Variants in GABBR2 observed in about 807,000 individuals in gnomAD.
GABBR2 encodes G-protein coupled receptor 51.
Under a neutral mutation model 105.6 loss-of-function variants are expected in GABBR2, and 23 were observed. That is an observed-to-expected ratio of 0.22 (90% CI 0.16 to 0.31). The LOEUF (loss-of-function observed/expected upper bound fraction) is 0.31, where lower values mean the gene tolerates loss of function less well. Among genes scored for constraint, GABBR2 ranks in the 10% least tolerant of loss-of-function variants. The pLI, the probability that GABBR2 is intolerant of heterozygous loss-of-function variation, is 1.00. For synonymous variants in GABBR2, 478 were observed against 499.7 expected (o/e 0.96, Z 0.58); for missense variants, 734 against 1,245.5 (o/e 0.59, Z 6.18).
chr9:98,352,622 C>T (rs1831418851), intron 13 of GABBR2, among the ~76,000 whole-genome samples: 1 of 152,086 alleles, frequency 6.6e-6, no homozygotes, highest in Non-Finnish European at 1.5e-5. Context: ...CAGACTGGTC[C>T]TCAAGATCCC....
At chr9:98,307,438 C>T (rs1588091872) in intron 14 of GABBR2, among the ~76,000 whole-genome samples, 1 of 151,964 alleles carries the variant, frequency 6.6e-6, no homozygotes, top group South Asian at 2.1e-4. Flanking sequence ...TAGTGCAGCC[C>T]CTCCAAGAGG....
chr9:98,293,968 AC>A, intron 17 of GABBR2, 66 bp from the exon 18 acceptor site: 1 of 956,078 alleles, frequency 1.0e-6, no homozygotes, highest in Non-Finnish European at 1.7e-6. Flanking sequence ...CAACAATGCA[AC>A]TTTTTGTAGG....
At position 98,471,722 on chromosome 9, in the gene GABBR2, AT is replaced by A. The variant is rs527402121; in HGVS notation, c.999+1423del. ...TACTGTACCATCTGCTTTCATGGAT[AT>A]TTTTTTCCCTTAGGTTTTGTGTTTT... On this transcript the variant is annotated intron_variant, in intron 6 of 18. Coordinates refer to ENST00000259455, the MANE Select transcript of GABBR2 (RefSeq NM_005458.8). Among the ~76,000 whole-genome samples the A allele has an allele frequency of 5.9e-5, 9 of 152,150 alleles. No individual in the cohort carries two copies. The South Asian group carries it at 1.9e-3, about 32-fold the overall frequency.
At chr9:98,687,557 C>G (rs1345744274) in intron 1 of GABBR2, among the ~76,000 whole-genome samples, 1 of 152,120 alleles carries the variant, frequency 6.6e-6, no homozygotes, top group Non-Finnish European at 1.5e-5. Context: ...CAAGGAGAGA[C>G]TCTGTTGAGG....
intron 7 of GABBR2, among the ~76,000 whole-genome samples, chr9:98,426,666 A>C (rs892610450): frequency 1.8e-4 from 27 of 152,216 alleles, no homozygotes; most frequent in African/African-American, 6.5e-4. Flanking sequence ...ACTAAGCCTA[A>C]AAATCTTCCA....
chr9:98,498,054 A>T (rs1380113675), intron 3 of GABBR2, among the ~76,000 whole-genome samples: 1 of 152,254 alleles, frequency 6.6e-6, no homozygotes, highest in Non-Finnish European at 1.5e-5. Flanking sequence ...CAGCCTTCAA[A>T]AGGAATAAAA....
intron 1 of GABBR2, among the ~76,000 whole-genome samples, chr9:98,613,184 AT>A (rs879910586): frequency 1.3e-5 from 2 of 152,196 alleles, no homozygotes; most frequent in African/African-American, 2.4e-5. Flanking sequence ...GATGCCTATA[AT>A]TCCAACACCT....
chr9:98,397,828 T>C (rs1449037774), intron 8 of GABBR2, among the ~76,000 whole-genome samples: 1 of 152,168 alleles, frequency 6.6e-6, no homozygotes, highest in Admixed American at 6.5e-5. Flanking sequence ...ATGTCCTGTG[T>C]GTGTCCAGGG....
chr9:98,561,582 A>G (rs940116669), intron 2 of GABBR2, among the ~76,000 whole-genome samples: 2 of 152,172 alleles, frequency 1.3e-5, no homozygotes, highest in Admixed American at 1.3e-4. Flanking sequence ...ATGTAGAAGG[A>G]ATATAATTAG....
chr9:98,619,876 T>C (rs1191140471), intron 1 of GABBR2, among the ~76,000 whole-genome samples: 1 of 152,324 alleles, frequency 6.6e-6, no homozygotes, highest in East Asian at 1.9e-4. Flanking sequence ...AGGGTTCATC[T>C]GTGGTCTAGC....
chr9:98,701,324 G>C (rs1830827974), intron 1 of GABBR2, among the ~76,000 whole-genome samples: 1 of 152,224 alleles, frequency 6.6e-6, no homozygotes, highest in East Asian at 1.9e-4. Context: ...GGACAGAGAA[G>C]TTATGTCCGT....
intron 6 of GABBR2, among the ~76,000 whole-genome samples, chr9:98,464,012 G>A (rs1050082434): frequency 2.0e-5 from 3 of 152,170 alleles, no homozygotes; most frequent in Non-Finnish European, 4.4e-5. Flanking sequence ...CACCTGCCTT[G>A]GCCTCCCAAA....
intron 3 of GABBR2, among the ~76,000 whole-genome samples, chr9:98,506,358 T>C (rs1258626610): frequency 6.6e-6 from 1 of 152,202 alleles, no homozygotes; most frequent in African/African-American, 2.4e-5. Flanking sequence ...GCCTGGCATA[T>C]AGTAGGTGCT....
intron 3 of GABBR2, among the ~76,000 whole-genome samples, chr9:98,517,165 G>A (rs544111939): frequency 6.6e-6 from 1 of 152,182 alleles, no homozygotes; most frequent in Non-Finnish European, 1.5e-5. Flanking sequence ...AGGACCGCCT[G>A]CACCCAGTGA....
intron 1 of GABBR2, among the ~76,000 whole-genome samples, chr9:98,626,524 G>A (rs568194886): frequency 6.6e-6 from 1 of 152,132 alleles, no homozygotes; most frequent in Non-Finnish European, 1.5e-5. Context: ...GTCAAATCCT[G>A]ATCTACTGCT....
chr9:98,593,316 G>T (rs751234985), intron 1 of GABBR2, among the ~76,000 whole-genome samples: 2 of 152,166 alleles, frequency 1.3e-5, no homozygotes, highest in Non-Finnish European at 2.9e-5. Flanking sequence ...TCATGACATC[G>T]CCAGAGCTGA....
At chr9:98,675,237 T>C (rs544197784) in intron 1 of GABBR2, among the ~76,000 whole-genome samples, 1 of 152,020 alleles carries the variant, frequency 6.6e-6, no homozygotes, top group Non-Finnish European at 1.5e-5. Flanking sequence ...AGGATGGCAA[T>C]GGTGCTTTGG....
chr9:98,301,398 C>T lies in GABBR2; in HGVS notation c.2412+1843G>A, dbSNP rs75943118. 7.3e-3 allele frequency among the ~76,000 whole-genome samples: 1,105 copies of T among 152,344 alleles called. 5 individuals carry two copies. The highest frequency in any genetic ancestry group is 0.012 in the Admixed American group (184 of 15,304). On this transcript the variant is annotated intron_variant, in intron 16 of 18. Transcript: ENST00000259455. ...TGGTCACAGAAGTCTTCTGCGTTGA[C>T]TGTTGTGTTGGTGCAAGAGCACAGG...
At chr9:98,494,616 G>C (rs1328137565) in intron 4 of GABBR2, among the ~76,000 whole-genome samples, 1 of 152,144 alleles carries the variant, frequency 6.6e-6, no homozygotes, top group East Asian at 1.9e-4. Context: ...TAACCTCTTT[G>C]AGTCTCGAGT....
Sources: allele counts gnomAD v4.1 joint callset (sites outside exome capture counted in the v4.1 genomes callset), GRCh38; gene constraint gnomAD v4.1.1; transcripts MANE v1.5; gene names NCBI Gene and HGNC (gene_info 2026-07-23, HGNC 2026-07-21).